Variants in MSH3 observed in about 807,000 individuals in gnomAD.
MSH3 encodes DNA mismatch repair protein Msh3.
A neutral mutation model predicts 123.3 loss-of-function variants in MSH3; 106 were observed. That is an observed-to-expected ratio of 0.86 (90% confidence interval 0.73 to 1.01). The LOEUF (loss-of-function observed/expected upper bound fraction) is 1.01. Among genes scored for constraint, MSH3 ranks in the 50% least tolerant of loss-of-function variants. The pLI, the probability that MSH3 is intolerant of heterozygous loss-of-function variation, is 0.00. For synonymous variants in MSH3, 515 were observed against 481.4 expected (o/e 1.07, Z -0.91); for missense variants, 1,459 against 1,347.6 (o/e 1.08, Z -1.29).
intron 10 of MSH3, among the ~76,000 whole-genome samples, chr5:80,739,260 A>G (rs985771287): frequency 3.3e-5 from 5 of 152,228 alleles, no homozygotes; most frequent in Non-Finnish European, 7.3e-5. Flanking sequence ...AGCCCAGGCT[A>G]TCAGCCAAAC....
At chr5:80,744,906 A>G (rs1335697120) in intron 12 of MSH3, among the ~76,000 whole-genome samples, 1 of 142,166 alleles carries the variant, frequency 7.0e-6, no homozygotes, top group Non-Finnish European at 1.6e-5. Flanking sequence ...GTTGATAGCC[A>G]GAGGGAGTTC....
intron 19 of MSH3, among the ~76,000 whole-genome samples, chr5:80,812,282 C>T (rs780453289): frequency 1.3e-5 from 2 of 152,128 alleles, no homozygotes; most frequent in Non-Finnish European, 2.9e-5. Context: ...TACTTTGATA[C>T]CCAGTTGTTT....
chr5:80,754,260 T>C (rs1743884840), intron 12 of MSH3, among the ~76,000 whole-genome samples: 1 of 152,118 alleles, frequency 6.6e-6, no homozygotes, highest in Admixed American at 6.6e-5. Context: ...AGAAACCTTT[T>C]GTTTAAAAAA....
chr5:80,760,657 A>C (rs914370792), intron 12 of MSH3, among the ~76,000 whole-genome samples: 1 of 152,236 alleles, frequency 6.6e-6, no homozygotes. Flanking sequence ...TTCTCCGTCT[A>C]AGTGGCTTAA....
Position 80,664,383 on chromosome 5 carries a change from A to G in MSH3, c.359-760A>G, listed in dbSNP as rs549947187. 1.1e-4 allele frequency among the ~76,000 whole-genome samples: 16 copies of G among 152,290 alleles called. No homozygotes were observed. In the South Asian group the frequency reaches 2.5e-3, roughly 24 times the overall value. ...TTGAGCTAGTAAGATTTCCCAGTCA[A>G]GAGTCCTCCCAGCTTCTGCCTGGAG... On this transcript the variant is annotated intron_variant, in intron 2 of 23. Transcript: ENST00000265081.
At chr5:80,755,238 G>A (rs1049896209) in intron 12 of MSH3, among the ~76,000 whole-genome samples, 1 of 152,148 alleles carries the variant, frequency 6.6e-6, no homozygotes, top group South Asian at 2.1e-4. Flanking sequence ...TGTTTGTCCC[G>A]ACTGTCAGTG....
At chr5:80,728,589 C>A (rs1202027796) in intron 9 of MSH3, among the ~76,000 whole-genome samples, 1 of 152,062 alleles carries the variant, frequency 6.6e-6, no homozygotes, top group African/African-American at 2.4e-5. Context: ...TTTGAAAAAA[C>A]AACCTGTTCT....
intron 8 of MSH3, among the ~76,000 whole-genome samples, chr5:80,698,872 G>A (rs1750544435): frequency 6.6e-6 from 1 of 152,106 alleles, no homozygotes; most frequent in Admixed American, 6.5e-5. Flanking sequence ...AATGGGTGCA[G>A]CATACCAACA....
At chr5:80,772,326 A>G (rs767471469) in intron 15 of MSH3, among the ~76,000 whole-genome samples, 1 of 152,220 alleles carries the variant, frequency 6.6e-6, no homozygotes, top group Non-Finnish European at 1.5e-5. Flanking sequence ...AAAATATAGT[A>G]AAACATCCTT....
At position 80,654,877 on chromosome 5, in the gene MSH3, CGCTGCAGCGGCTGCAGCGGCCGCAGCG is replaced by C; in HGVS notation, c.153_179del (p.Ala54_Ala62del). The C allele has an allele frequency of 6.7e-7, 1 of 1,500,144 alleles. No homozygotes were observed. The highest frequency in any genetic ancestry group is 9.1e-7 in the Non-Finnish European group (1 of 1,099,296). 92.9% of individuals were successfully genotyped at this position (1,500,144 alleles called of 1,614,324 possible). A position where few individuals can be genotyped will look rare whatever the true frequency, so the allele number is the denominator to read the frequency against. ...GTGCAGCCGACCAGGTGGACCCTGGCGCTGCAGCGGCTGCAGCGGCCGCAGCGGCCGCAGCGCCCCCAGCGCCCCCAG... is the reference window on the plus strand; with the variant it reads ...GTGCAGCCGACCAGGTGGACCCTGGCGCCGCAGCGCCCCCAGCGCCCCCAG... On this transcript the variant is annotated inframe_deletion, in exon 1 of 24. Transcript: ENST00000265081.
At chr5:80,663,851 C>T (rs1749503378) in intron 2 of MSH3, among the ~76,000 whole-genome samples, 1 of 151,958 alleles carries the variant, frequency 6.6e-6, no homozygotes, top group Non-Finnish European at 1.5e-5. Context: ...TGGGAGTGGG[C>T]CCTAGCAAGC....
intron 10 of MSH3, among the ~76,000 whole-genome samples, chr5:80,734,978 T>G (rs1228239059): frequency 6.6e-6 from 1 of 152,230 alleles, no homozygotes; most frequent in Non-Finnish European, 1.5e-5. Flanking sequence ...GGAGGACATT[T>G]CTCATGCAGT....
At chr5:80,655,045 C>T (rs1228718382) in intron 1 of MSH3, 81 bp downstream of exon 1, 8 of 823,714 alleles carry the variant, frequency 9.7e-6, no homozygotes, top group South Asian at 2.1e-5. Flanking sequence ...AGGCGGGGAC[C>T]CTCCGCCCGA....
At chr5:80,670,517 A>G (rs919030512) in intron 4 of MSH3, among the ~76,000 whole-genome samples, 3 of 152,174 alleles carry the variant, frequency 2.0e-5, no homozygotes, top group Non-Finnish European at 2.9e-5. Context: ...AGGGGTCTCT[A>G]TTGGAATGTT....
rs938662873 is a variant in MSH3, at chr5:80,862,849, C to T, written c.3001-1964C>T. On this transcript the variant is annotated intron_variant, in intron 21 of 23. Transcript: ENST00000265081. ...TGAGTGGGGAAAAGTGAAACCTCTG[C>T]TTTACAGAATACCAACGAATAAATG... Among the ~76,000 whole-genome samples the T allele has an allele frequency of 2.6e-5, 4 of 152,164 alleles. No homozygotes were observed. The East Asian group carries it at 7.7e-4, about 29-fold the overall frequency.
intron 1 of MSH3, chr5:80,655,485 G>T (rs544189572): frequency 3.4e-5 from 7 of 205,054 alleles, no homozygotes; most frequent in African/African-American, 1.6e-4. Context: ...AGATTATAAA[G>T]TCTGAAATAC....
intron 20 of MSH3, among the ~76,000 whole-genome samples, chr5:80,814,074 C>T (rs6151879): frequency 8.0e-4 from 120 of 149,468 alleles, no homozygotes; most frequent in Non-Finnish European, 1.6e-3. Context: ...AACAGTGAGC[C>T]GAGGTCACAC....
At chr5:80,835,459 A>C (rs1745491994) in intron 20 of MSH3, among the ~76,000 whole-genome samples, 1 of 152,236 alleles carries the variant, frequency 6.6e-6, no homozygotes, top group Admixed American at 6.5e-5. Flanking sequence ...GAATAAGCGG[A>C]AGGTAAAAAA....
At position 80,730,901 on chromosome 5, in the gene MSH3, T is replaced by C. The variant is rs538352925; in HGVS notation, c.1568+1936T>C. 5.4e-5 allele frequency among the ~76,000 whole-genome samples: 8 copies of C among 147,634 alleles called. No homozygotes were observed. In the South Asian group the frequency reaches 1.7e-3, roughly 32 times the overall value. On this transcript the variant is annotated intron_variant, in intron 10 of 23. Coordinates refer to ENST00000265081, the MANE Select transcript of MSH3 (RefSeq NM_002439.5). ...TCATATATATATATATATATTTTTT[T>C]TTTTTTCTTTTTTTTTTTTTAGATG...
Sources: gnomAD v4.1 joint callset for allele counts (sites outside exome capture counted in the v4.1 genomes callset) on GRCh38, gnomAD v4.1.1 for gene constraint, MANE v1.5 for transcripts, NCBI Gene and HGNC (gene_info 2026-07-23, HGNC 2026-07-21) for gene names.